The following HAPLN1 variants were observed in gnomAD, a reference collection of about 807,000 sequenced individuals.
HAPLN1 encodes Cartilage link protein.
Under a neutral mutation model 36.5 loss-of-function variants are expected in HAPLN1, and 13 were observed. That is an observed-to-expected ratio of 0.36 (90% CI 0.23 to 0.57). The LOEUF is 0.57. HAPLN1 is among the 20% of genes least tolerant of loss of function. The pLI is 0.83. For missense variants in HAPLN1, 407 were observed against 439.7 expected, an observed-to-expected ratio of 0.93 and a Z score of 0.66; for synonymous variants, 202 against 169.8, an observed-to-expected ratio of 1.19 and a Z score of -1.48.
At chr5:83,712,896 A>AT (rs1241846543) in intron 1 of HAPLN1, among the ~76,000 whole-genome samples, 1 of 151,884 alleles carries the variant, frequency 6.6e-6, no homozygotes, top group Non-Finnish European at 1.5e-5. Flanking sequence ...AAAAAAAAAA[A>AT]AGGAAGTTGC....
chr5:83,643,509 G>A (rs960753773), intron 4 of HAPLN1, among the ~76,000 whole-genome samples: 20 of 152,142 alleles, frequency 1.3e-4, no homozygotes, highest in African/African-American at 3.9e-4. Context: ...GGCCCCACAC[G>A]GAGAAGGGCT....
At chr5:83,665,520 G>A (rs1750527566) in intron 2 of HAPLN1, among the ~76,000 whole-genome samples, 1 of 152,128 alleles carries the variant, frequency 6.6e-6, no homozygotes, top group South Asian at 2.1e-4. Context: ...TCAAGGGTAT[G>A]TTTTCAAAGG....
intron 3 of HAPLN1, among the ~76,000 whole-genome samples, chr5:83,648,695 C>T (rs1393680041): frequency 6.6e-6 from 1 of 151,910 alleles, no homozygotes; most frequent in Non-Finnish European, 1.5e-5. Context: ...AGATGCTTCC[C>T]TGGCCCTTTG....
intron 3 of HAPLN1, 57 bp downstream of exon 3, chr5:83,652,396 A>G (rs1294579865): frequency 3.9e-6 from 6 of 1,527,660 alleles, no homozygotes; most frequent in East Asian, 2.3e-5. Context: ...TCTTCATGAA[A>G]AAAAAAGCAA....
Position 83,641,883 on chromosome 5 carries a change from G to A in HAPLN1, c.776-98C>T, listed in dbSNP as rs74845120. 1,778 of 1,223,818 alleles carry A rather than the reference G, an allele frequency of 1.5e-3. 21 individuals are homozygous for A. The African/African-American group carries it at 0.025, about 17-fold the overall frequency. 75.8% of individuals were successfully genotyped at this position (1,223,818 alleles called of 1,614,324 possible). On this transcript the variant is annotated intron_variant, in intron 4 of 4. Coordinates refer to ENST00000274341, the MANE Select transcript of HAPLN1 (RefSeq NM_001884.4). ...ACGGAAGTGTTTCTCAATGAAGGGG[G>A]ATATAGAGCAATGTTTGTAAAATTT... is the stretch of plus-strand genomic sequence containing the variant.
intron 1 of HAPLN1, among the ~76,000 whole-genome samples, chr5:83,695,515 A>T (rs985160948): frequency 6.6e-6 from 1 of 150,672 alleles, no homozygotes; most frequent in African/African-American, 2.4e-5. Context: ...AAATAGATTT[A>T]TATATATATA....
chr5:83,701,927 A>C (rs112617899), intron 1 of HAPLN1, among the ~76,000 whole-genome samples: 383 of 143,984 alleles, frequency 2.7e-3, no homozygotes, highest in African/African-American at 6.2e-3. Context: ...CTTCGACAAA[A>C]ACACACACAC....
intron 1 of HAPLN1, among the ~76,000 whole-genome samples, chr5:83,710,291 A>G (rs13156341): frequency 0.032 from 4,858 of 152,304 alleles, 125 homozygotes; most frequent in South Asian, 0.065. Flanking sequence ...AGAAGCCTGA[A>G]ATGGAGACTG....
chr5:83,660,665 C>A (rs1427974192), intron 2 of HAPLN1, among the ~76,000 whole-genome samples: 4 of 152,034 alleles, frequency 2.6e-5, no homozygotes, highest in African/African-American at 9.7e-5. Flanking sequence ...GGAAGTTTAA[C>A]TCTGTTCTGT....
chr5:83,656,101 G>A (rs1750202160), intron 2 of HAPLN1, among the ~76,000 whole-genome samples: 2 of 152,070 alleles, frequency 1.3e-5, no homozygotes, highest in African/African-American at 4.8e-5. Context: ...GCTGAGGTGG[G>A]CAGATCACTT....
intron 1 of HAPLN1, among the ~76,000 whole-genome samples, chr5:83,693,331 G>T (rs1016641177): frequency 6.6e-6 from 1 of 151,704 alleles, no homozygotes; most frequent in African/African-American, 2.4e-5. Context: ...TGTAAACAAA[G>T]ACTCATAACT....
At chr5:83,672,481 G>A (rs1750756715) in intron 2 of HAPLN1, among the ~76,000 whole-genome samples, 1 of 152,158 alleles carries the variant, frequency 6.6e-6, no homozygotes, top group African/African-American at 2.4e-5. Flanking sequence ...GCTAGACATA[G>A]ACAAATTCAG....
At chr5:83,717,645 G>T (rs150096752) in intron 1 of HAPLN1, among the ~76,000 whole-genome samples, 2 of 152,312 alleles carry the variant, frequency 1.3e-5, no homozygotes, top group African/African-American at 2.4e-5. Flanking sequence ...AGCTCTCAGT[G>T]CAATACTCAA....
chr5:83,683,654 C>A (rs1177697394), intron 1 of HAPLN1, among the ~76,000 whole-genome samples: 2 of 152,022 alleles, frequency 1.3e-5, no homozygotes, highest in Admixed American at 1.3e-4. Context: ...AAATACAGAA[C>A]CTGGAAAGCA....
rs551009819 is a variant in HAPLN1, at chr5:83,705,404, A to G, written c.-27+15385T>C. Among the ~76,000 whole-genome samples the G allele has an allele frequency of 5.5e-3, 833 of 151,248 alleles. 4 individuals carry two copies. The highest frequency in any genetic ancestry group is 9.1e-3 in the South Asian group (44 of 4,816). On this transcript the variant is annotated intron_variant, in intron 1 of 4. Coordinates refer to ENST00000274341, the MANE Select transcript of HAPLN1 (RefSeq NM_001884.4). ...AAACGTCACAAAAAAAAAAAAAAAA[A>G]AAAAAGAAAGAAAGAAAATTGCTCA... is the stretch of plus-strand genomic sequence containing the variant.
At chr5:83,716,404 T>C (rs1328325815) in intron 1 of HAPLN1, among the ~76,000 whole-genome samples, 3 of 152,202 alleles carry the variant, frequency 2.0e-5, no homozygotes, top group Non-Finnish European at 1.5e-5. Context: ...CTTTTTGTTT[T>C]GTAAATAGTC....
intron 1 of HAPLN1, among the ~76,000 whole-genome samples, chr5:83,688,084 G>A (rs1414795543): frequency 6.6e-6 from 1 of 151,824 alleles, no homozygotes; most frequent in African/African-American, 2.4e-5. Flanking sequence ...TTCTAGCTAT[G>A]CATGCATCTA....
rs1364370122 is a variant in HAPLN1 at position 83,681,952 on chromosome 5, A to G, written c.-26-8403T>C. On this transcript the variant is annotated intron_variant, in intron 1 of 4. Coordinates refer to ENST00000274341, the MANE Select transcript of HAPLN1 (RefSeq NM_001884.4). ...CAAACCTCCTAGTTACAGGTTTTATAATTTGAAACAAGAGTTTTTAAAATA... is the reference window on the plus strand; with the variant it reads ...CAAACCTCCTAGTTACAGGTTTTATGATTTGAAACAAGAGTTTTTAAAATA... Among the ~76,000 whole-genome samples, 5 of 152,308 alleles carry G rather than the reference A, an allele frequency of 3.3e-5. No homozygotes were observed. In the East Asian group the frequency reaches 9.6e-4, roughly 29 times the overall value.
At chr5:83,648,428 TATATATATATG>T (rs2112560666) in intron 3 of HAPLN1, among the ~76,000 whole-genome samples, 1 of 132,236 alleles carries the variant, frequency 7.6e-6, no homozygotes, top group African/African-American at 3.0e-5. Flanking sequence ...TATATATATA[TATATATATATG>T]GTTTGAATCC....
Sources: allele counts gnomAD v4.1 joint callset (sites outside exome capture counted in the v4.1 genomes callset), GRCh38; gene constraint gnomAD v4.1.1; transcripts MANE v1.5; gene names NCBI Gene and HGNC (gene_info 2026-07-23, HGNC 2026-07-21).